UBE2D3: variants seen among roughly 807,000 people sequenced by gnomAD.
UBE2D3 encodes ubiquitin-conjugating enzyme E2 D3.
A neutral mutation model predicts 22.8 loss-of-function variants in UBE2D3; 2 were observed. The ratio of observed to expected loss-of-function variants is 0.09; its 90% CI spans 0.04 to 0.28. The LOEUF (loss-of-function observed/expected upper bound fraction) is 0.28. UBE2D3 is among the 10% of genes least tolerant of loss of function. The pLI is 1.00. For missense variants in UBE2D3, 27 were observed against 182.5 expected (o/e 0.15, Z 4.91); for synonymous variants, 56 against 60.4 (o/e 0.93, Z 0.34).
At chr4:102,799,769 A>T (rs1164348745) in intron 6 of UBE2D3, among the ~76,000 whole-genome samples, 1 of 147,408 alleles carries the variant, frequency 6.8e-6, no homozygotes, top group Non-Finnish European at 1.5e-5. Context: ...ATGCCATATT[A>T]ATATATATAT....
chr4:102,832,306 G>A (rs182754889), upstream of UBE2D3, among the ~76,000 whole-genome samples: 216 of 152,182 alleles, frequency 1.4e-3, no homozygotes, highest in Middle Eastern at 0.017. Context: ...TTGAGGTGGC[G>A]GGGGGAGCGG....
chr4:102,865,491 CAAA>C (rs10604973), intron 1 of UBE2D3, among the ~76,000 whole-genome samples: 5 of 66,710 alleles, frequency 7.5e-5, no homozygotes, highest in Non-Finnish European at 6.2e-5. Context: ...CTGTCTCAAC[CAAA>C]AAAAAAAAAA....
intron 2 of UBE2D3, among the ~76,000 whole-genome samples, chr4:102,822,457 G>GA (rs112962845): frequency 0.012 from 1,808 of 152,270 alleles, 19 homozygotes; most frequent in African/African-American, 0.036. Flanking sequence ...TTCAGTGCTT[G>GA]AAGAGACTAC....
intron 7 of UBE2D3, 61 bp downstream of exon 7, chr4:102,799,346 A>G (rs779608755): frequency 1.1e-4 from 145 of 1,333,216 alleles, no homozygotes; most frequent in Non-Finnish European, 1.4e-4. Flanking sequence ...TGTCACAAGC[A>G]AAGTATAAGC....
At position 102,868,072 on chromosome 4, in the gene UBE2D3, CT is replaced by C. The variant is rs11418599; in HGVS notation, c.-129+642del. Among the ~76,000 whole-genome samples, 700 of 115,238 alleles carry C rather than the reference CT, an allele frequency of 6.1e-3. 6 individuals are homozygous for C. Among genetic ancestry groups the C allele is most frequent in the Non-Finnish European group, 8.6e-3 (512 of 59,704 alleles). The allele number at this position is 115,238 out of a possible 152,430, so 75.6% of individuals were successfully genotyped here. Reference sequence around the variant, plus strand: ...AAAACCATACATAAGGCTTTAGATTCTTTTTTTTTTTTTTTTTTGTGACGGA... The same window carrying C: ...AAAACCATACATAAGGCTTTAGATTCTTTTTTTTTTTTTTTTTGTGACGGA... On this transcript the variant is annotated intron_variant, in intron 1 of 7. Transcript: ENST00000338145.
exon 1 of UBE2D3, chr4:102,868,848 A>T: frequency 6.4e-7 from 1 of 1,559,218 alleles, no homozygotes; most frequent in Non-Finnish European, 8.8e-7. Context: ...CGAGATTCCG[A>T]GGAGGGCCTC....
At chr4:102,816,130 C>G (rs1036755543) in intron 2 of UBE2D3, among the ~76,000 whole-genome samples, 1 of 152,206 alleles carries the variant, frequency 6.6e-6, no homozygotes, top group African/African-American at 2.4e-5. Context: ...AATAAACCAT[C>G]TTACTCATGA....
chr4:102,826,817 G>T, intron 1 of UBE2D3, 181 bp from the exon 2 acceptor site: 5 of 1,225,592 alleles, frequency 4.1e-6, no homozygotes, highest in Non-Finnish European at 5.1e-6. Context: ...GAGCGGAGGT[G>T]GTGGCTACAA....
intron 7 of UBE2D3, chr4:102,798,954 C>G: frequency 6.2e-7 from 1 of 1,611,816 alleles, no homozygotes; most frequent in Non-Finnish European, 8.5e-7. Context: ...TTTCTCTGTC[C>G]ACTCTCTTGC....
intron 2 of UBE2D3, chr4:102,811,777 G>T (rs1241581335): frequency 2.2e-6 from 1 of 449,604 alleles, no homozygotes; most frequent in Admixed American, 2.4e-5. Flanking sequence ...ATACAACAGA[G>T]AAGCAGAGGC....
intron 1 of UBE2D3, among the ~76,000 whole-genome samples, chr4:102,846,897 G>C (rs1425239901): frequency 6.6e-6 from 1 of 151,812 alleles, no homozygotes; most frequent in African/African-American, 2.4e-5. Context: ...TCCCACCTCA[G>C]CCTCCCAAAG....
chr4:102,807,986 T>C (rs1182523371), intron 4 of UBE2D3, among the ~76,000 whole-genome samples: 1 of 152,226 alleles, frequency 6.6e-6, no homozygotes, highest in East Asian at 1.9e-4. Context: ...TTTCTTAGTA[T>C]TGACAATTTT....
At chr4:102,837,075 A>G (rs984254281) in intron 1 of UBE2D3, 4 of 152,220 alleles carry the variant, frequency 2.6e-5, no homozygotes, top group African/African-American at 4.8e-5. Flanking sequence ...CCTGCTAGAC[A>G]GATTCTAAAA....
chr4:102,804,458 CT>C (rs1401726196), intron 4 of UBE2D3, among the ~76,000 whole-genome samples: 10 of 152,018 alleles, frequency 6.6e-5, no homozygotes, highest in African/African-American at 1.9e-4. Context: ...GTGCCCAGTC[CT>C]TTTTCATATT....
chr4:102,799,838 G>C (rs866054843), intron 6 of UBE2D3, among the ~76,000 whole-genome samples: 6 of 145,192 alleles, frequency 4.1e-5, no homozygotes, highest in Non-Finnish European at 6.1e-5. Flanking sequence ...TGGCTGGGGG[G>C]GGGGGGACTT....
intron 2 of UBE2D3, 133 bp from the exon 3 acceptor site, chr4:102,809,988 T>C (rs1437263158): frequency 2.4e-6 from 2 of 830,394 alleles, no homozygotes; most frequent in Non-Finnish European, 3.9e-6. Flanking sequence ...AAATAATATA[T>C]TCCATTAGGA....
At chr4:102,810,510 C>T (rs1168416801) in intron 2 of UBE2D3, 3 of 151,788 alleles carry the variant, frequency 2.0e-5, no homozygotes, top group Non-Finnish European at 4.4e-5. Flanking sequence ...ACGCCATTCT[C>T]CTGCCTCAGG....
chr4:102,851,288 C>A (rs752460737), intron 1 of UBE2D3, among the ~76,000 whole-genome samples: 1 of 152,204 alleles, frequency 6.6e-6, no homozygotes. Context: ...TGACTTTGTA[C>A]AACTTCTTAG....
At chr4:102,799,578 A>C in intron 6 of UBE2D3, 78 bp from the exon 7 acceptor site, 1 of 1,025,870 alleles carries the variant, frequency 9.7e-7, no homozygotes, top group Non-Finnish European at 1.5e-6. Flanking sequence ...TGTATTACAA[A>C]ACTCAATCCT....
Sources: allele counts gnomAD v4.1 joint callset (sites outside exome capture counted in the v4.1 genomes callset), GRCh38; gene constraint gnomAD v4.1.1; transcripts MANE v1.5; gene names NCBI Gene and HGNC (gene_info 2026-07-23, HGNC 2026-07-21).